CEP57L1: variants seen among roughly 807,000 people sequenced by gnomAD.
CEP57L1 encodes the protein centrosomal protein 57 like 1.
Under a neutral mutation model 61.0 loss-of-function variants are expected in CEP57L1, and 37 were observed. The ratio of observed to expected loss-of-function variants is 0.61; its 90% CI spans 0.47 to 0.80. The LOEUF is 0.80. Among genes scored for constraint, CEP57L1 ranks in the 30% least tolerant of loss-of-function variants. CEP57L1 has a pLI of 0.00. For missense variants in CEP57L1, 422 were observed against 524.7 expected, an observed-to-expected ratio of 0.80 and a Z score of 1.91; for synonymous variants, 137 against 162.3, an observed-to-expected ratio of 0.84 and a Z score of 1.19.
rs146544895 is a variant in CEP57L1, at chr6:109,110,674, C to A, written c.-4+15099C>A. On this transcript the variant is annotated intron_variant, in intron 1 of 10. Coordinates refer to ENST00000517392, the MANE Select transcript of CEP57L1 (RefSeq NM_001271852.3). ...ATGATTTTAGGTCTTATGTTTAAGT[C>A]TTTAATCCATCTTAAGTTAATTTTT... 8.3e-3 allele frequency among the ~76,000 whole-genome samples: 1,260 copies of A among 152,244 alleles called. 22 individuals carry two copies. The highest frequency in any genetic ancestry group is 0.029 in the African/African-American group (1,209 of 41,538).
Position 109,165,803 on chromosome 6 carries a change from T to G in CEP57L1, c.*2833T>G, listed in dbSNP as rs553291907. The stretch of plus-strand genomic sequence containing the variant: ...CAGGGGGTGGAGCAAAAGATTTCTT[T>G]CCTGGATGGAGCAGTCAGTCTATGG... On this transcript the variant is annotated 3_prime_UTR_variant, in exon 11 of 11. Coordinates refer to ENST00000517392, the MANE Select transcript of CEP57L1 (RefSeq NM_001271852.3). 3.9e-5 allele frequency: 6 copies of G among 152,364 alleles called. No individual in the cohort carries two copies. The highest frequency in any genetic ancestry group is 1.4e-4 in the African/African-American group (6 of 41,590). The allele number at this position is 152,364 out of a possible 1,614,324, so 9.4% of individuals were successfully genotyped here.
chr6:109,132,036 A>G (rs1451539806), intron 1 of CEP57L1, among the ~76,000 whole-genome samples: 1 of 152,222 alleles, frequency 6.6e-6, no homozygotes, highest in Non-Finnish European at 1.5e-5. Context: ...ATTGGAGTAC[A>G]CAAAAAGAAT....
At chr6:109,126,806 A>G (rs1773599425) in intron 1 of CEP57L1, among the ~76,000 whole-genome samples, 1 of 152,238 alleles carries the variant, frequency 6.6e-6, no homozygotes, top group African/African-American at 2.4e-5. Context: ...GTGCACATGA[A>G]CAATTAGATG....
At chr6:109,132,725 A>G (rs1774331467) in intron 1 of CEP57L1, among the ~76,000 whole-genome samples, 1 of 152,148 alleles carries the variant, frequency 6.6e-6, no homozygotes, top group Admixed American at 6.5e-5. Flanking sequence ...TTATGTGCCA[A>G]CACTTACTTA....
intron 1 of CEP57L1, among the ~76,000 whole-genome samples, chr6:109,141,885 A>G (rs1771424986): frequency 6.6e-6 from 1 of 152,226 alleles, no homozygotes; most frequent in Admixed American, 6.5e-5. Context: ...AGTTTCTCTA[A>G]GGAAAAATCC....
chr6:109,128,584 T>C (rs771250681), intron 1 of CEP57L1, among the ~76,000 whole-genome samples: 52 of 152,170 alleles, frequency 3.4e-4, no homozygotes, highest in Admixed American at 5.2e-4. Context: ...TTATTCCCTT[T>C]TATGTCCTTA....
intron 1 of CEP57L1, among the ~76,000 whole-genome samples, chr6:109,143,673 G>A (rs1771659765): frequency 6.6e-6 from 1 of 151,816 alleles, no homozygotes. Flanking sequence ...CTCAAATTTG[G>A]ACCAGTTTTT....
At chr6:109,095,425 C>T (rs1406096345), upstream of CEP57L1, 1 of 985,858 alleles carries the variant, frequency 1.0e-6, no homozygotes, top group East Asian at 1.1e-4. Flanking sequence ...GACGTCTTCG[C>T]GTTGACTTGT....
intron 1 of CEP57L1, among the ~76,000 whole-genome samples, chr6:109,134,501 A>G (rs1253421488): frequency 6.6e-6 from 1 of 152,222 alleles, no homozygotes. Flanking sequence ...GAAAACTGGC[A>G]CAAGACAGGG....
intron 7 of CEP57L1, 178 bp downstream of exon 7, chr6:109,156,055 A>G (rs1773186751): frequency 2.3e-6 from 1 of 429,944 alleles, no homozygotes; most frequent in Non-Finnish European, 4.2e-6. Flanking sequence ...AAAATTTCAT[A>G]AGATTCAGGT....
At chr6:109,099,378 G>T (rs1782096898) in intron 1 of CEP57L1, among the ~76,000 whole-genome samples, 2 of 151,998 alleles carry the variant, frequency 1.3e-5, no homozygotes. Context: ...AATTAAGGAG[G>T]AAGGAAAAAT....
intron 1 of CEP57L1, among the ~76,000 whole-genome samples, chr6:109,125,194 T>G (rs1450519575): frequency 6.6e-6 from 1 of 152,142 alleles, no homozygotes; most frequent in African/African-American, 2.4e-5. Flanking sequence ...TATCCTTGAG[T>G]CATCCTAAAG....
At chr6:109,112,284 C>T (rs563571827) in intron 1 of CEP57L1, among the ~76,000 whole-genome samples, 2 of 152,270 alleles carry the variant, frequency 1.3e-5, no homozygotes, top group East Asian at 3.9e-4. Context: ...TTATCCATGT[C>T]TTCTAGATTT....
At position 109,166,674 on chromosome 6, in the gene CEP57L1, C is replaced by T. The variant is rs1489316120; in HGVS notation, c.*3704C>T. 6.6e-6 allele frequency among the ~76,000 whole-genome samples: 1 copy of T among 152,060 alleles called. No individual in the cohort carries two copies. The highest frequency in any genetic ancestry group is 1.5e-5 in the Non-Finnish European group (1 of 68,000). The stretch of plus-strand genomic sequence containing the variant: ...CTGGGATTACAGGCATGAGCCACTG[C>T]GCCCAGCCTAAATGTGTATTCTTAT... On this transcript the variant is annotated 3_prime_UTR_variant, in exon 11 of 11. Transcript: ENST00000517392.
chr6:109,149,611 T>TGGTTCCATATGAACTTTAAAGTA (rs1477512154), intron 3 of CEP57L1, among the ~76,000 whole-genome samples: 1 of 151,988 alleles, frequency 6.6e-6, no homozygotes, highest in African/African-American at 2.4e-5. Context: ...GGCTCTTTTT[T>TGGTTCCATATGAACTTTAAAGTA]GGTTCCATAT....
rs927834988 is a variant in CEP57L1 at position 109,120,924 on chromosome 6, A to G, written c.-3-24295A>G. On this transcript the variant is annotated intron_variant, in intron 1 of 10. Coordinates refer to ENST00000517392, the MANE Select transcript of CEP57L1 (RefSeq NM_001271852.3). The stretch of plus-strand genomic sequence containing the variant: ...TACTTAGACACACGCACACACACAC[A>G]CACACACACACACACACACACACAC... Among the ~76,000 whole-genome samples the G allele has an allele frequency of 9.0e-4, 85 of 94,788 alleles. 1 individual carries two copies. The East Asian group carries it at 0.011, about 12-fold the overall frequency. 62.2% of individuals were successfully genotyped at this position (94,788 alleles called of 152,430 possible). A position where few individuals can be genotyped will look rare whatever the true frequency, so the allele number is the denominator to read the frequency against.
chr6:109,168,531 C>T lies in CEP57L1; in HGVS notation c.*5561C>T, dbSNP rs2114988917. Among the ~76,000 whole-genome samples the T allele has an allele frequency of 1.3e-5, 2 of 151,292 alleles. No individual in the cohort carries two copies. The highest frequency in any genetic ancestry group is 1.3e-4 in the Admixed American group (2 of 15,224). The stretch of plus-strand genomic sequence containing the variant: ...TTGGTTGGATCCAGTCAGTGTTTTT[C>T]ATAGTACATACAGTCATACCGGTGG... On this transcript the variant is annotated 3_prime_UTR_variant, in exon 11 of 11. Coordinates refer to ENST00000517392, the MANE Select transcript of CEP57L1 (RefSeq NM_001271852.3).
Position 109,146,970 on chromosome 6 carries a change from G to T in CEP57L1, c.340+33G>T, listed in dbSNP as rs202164804. On this transcript the variant is annotated intron_variant, in intron 3 of 10. Transcript: ENST00000517392. Reference sequence around the variant, plus strand: ...ATGCAGTAGTTCTCAGAAACCGGGGGTTACTGGAGTTTACAGTTCAAAAAT... The same window carrying T: ...ATGCAGTAGTTCTCAGAAACCGGGGTTTACTGGAGTTTACAGTTCAAAAAT... The T allele has an allele frequency of 2.0e-4, 318 of 1,556,034 alleles. No homozygotes were observed. The African/African-American group carries it at 2.8e-3, about 14-fold the overall frequency.
intron 1 of CEP57L1, among the ~76,000 whole-genome samples, chr6:109,139,483 CT>C (rs1378077518): frequency 4.6e-4 from 67 of 145,168 alleles, no homozygotes; most frequent in South Asian, 4.4e-4. Context: ...TTTCTTTTTT[CT>C]TTTTTTTTTT....
Sources: allele counts gnomAD v4.1 joint callset (sites outside exome capture counted in the v4.1 genomes callset), GRCh38; gene constraint gnomAD v4.1.1; transcripts MANE v1.5; gene names NCBI Gene and HGNC (gene_info 2026-07-23, HGNC 2026-07-21).